Variants in PAPPA observed in about 807,000 individuals in gnomAD.
PAPPA encodes the protein pappalysin-1.
Under a neutral mutation model 164.0 loss-of-function variants are expected in PAPPA, and 60 were observed. The observed-to-expected ratio is 0.37, with a 90% confidence interval of 0.30 to 0.45. PAPPA has a LOEUF of 0.45. Ranked by LOEUF, PAPPA falls within the 20% of genes least tolerant of loss-of-function variation. The probability of loss-of-function intolerance (pLI) is 1.00; values close to 1 mark genes in which losing one functional copy is unlikely to be tolerated. For missense variants in PAPPA, 1,782 were observed against 2,087.3 expected, an observed-to-expected ratio of 0.85 and a Z score of 2.85; for synonymous variants, 875 against 814.1, an observed-to-expected ratio of 1.07 and a Z score of -1.27.
chr9:116,197,349 C>G (rs571391270), intron 2 of PAPPA, among the ~76,000 whole-genome samples: 1 of 152,110 alleles, frequency 6.6e-6, no homozygotes, highest in Non-Finnish European at 1.5e-5. Context: ...GATTGACCAG[C>G]CCCTGTAACT....
At chr9:116,207,045 A>G (rs562053144) in intron 2 of PAPPA, among the ~76,000 whole-genome samples, 7 of 152,244 alleles carry the variant, frequency 4.6e-5, no homozygotes, top group Non-Finnish European at 8.8e-5. Context: ...TATTATTCTA[A>G]GAGGGGAAGA....
At chr9:116,313,855 T>G (rs528944281) in intron 10 of PAPPA, among the ~76,000 whole-genome samples, 1 of 152,124 alleles carries the variant, frequency 6.6e-6, no homozygotes, top group Non-Finnish European at 1.5e-5. Context: ...TCTAGAGTAC[T>G]TCACATGCCA....
At chr9:116,392,161 G>A (rs1394862146) in intron 21 of PAPPA, among the ~76,000 whole-genome samples, 1 of 152,222 alleles carries the variant, frequency 6.6e-6, no homozygotes, top group Non-Finnish European at 1.5e-5. Flanking sequence ...TGCACATTGA[G>A]TTTAGCTCAG....
At chr9:116,252,008 A>G (rs1420088329) in intron 7 of PAPPA, among the ~76,000 whole-genome samples, 1 of 152,234 alleles carries the variant, frequency 6.6e-6, no homozygotes, top group East Asian at 1.9e-4. Context: ...TTGCACCAAG[A>G]AAGTAGAAAA....
chr9:116,345,607 G>A (rs575530450), intron 14 of PAPPA, among the ~76,000 whole-genome samples: 12 of 152,310 alleles, frequency 7.9e-5, no homozygotes, highest in African/African-American at 2.6e-4. Context: ...GCTGTTGCAG[G>A]AAATGACATG....
chr9:116,192,938 C>T (rs1224509123), intron 2 of PAPPA, among the ~76,000 whole-genome samples: 1 of 152,154 alleles, frequency 6.6e-6, no homozygotes, highest in African/African-American at 2.4e-5. Flanking sequence ...GCAAACCAAC[C>T]AAGTTCCTGT....
At chr9:116,243,024 T>G (rs935136074) in intron 7 of PAPPA, among the ~76,000 whole-genome samples, 4 of 152,236 alleles carry the variant, frequency 2.6e-5, no homozygotes, top group Non-Finnish European at 5.9e-5. Context: ...TTAATCTCCT[T>G]CACACCTCTA....
At chr9:116,200,183 G>A (rs2118659106) in intron 2 of PAPPA, among the ~76,000 whole-genome samples, 1 of 152,232 alleles carries the variant, frequency 6.6e-6, no homozygotes, top group Middle Eastern at 3.4e-3. Flanking sequence ...ATGCTTCTAT[G>A]CTTCTGGGCT....
intron 1 of PAPPA, among the ~76,000 whole-genome samples, chr9:116,176,909 C>A (rs1843842637): frequency 6.6e-6 from 1 of 151,728 alleles, no homozygotes; most frequent in African/African-American, 2.4e-5. Context: ...TCCTTTACTT[C>A]TCCAACAGTA....
chr9:116,311,050 T>A (rs1014271826), intron 10 of PAPPA, among the ~76,000 whole-genome samples: 4 of 124,528 alleles, frequency 3.2e-5, no homozygotes, highest in Non-Finnish European at 6.5e-5. Context: ...AGGAACAACA[T>A]GTGGACTTTT....
At chr9:116,169,516 C>T (rs1445473616) in intron 1 of PAPPA, among the ~76,000 whole-genome samples, 1 of 151,394 alleles carries the variant, frequency 6.6e-6, no homozygotes, top group African/African-American at 2.4e-5. Flanking sequence ...GACAGGGCTT[C>T]ATCATGTTGG....
Position 116,188,187 on chromosome 9 carries a change from G to T in PAPPA, c.1449G>T (p.Gln483His). Residue 483 changes from glutamine (Q) to histidine (H), a missense_variant, in exon 2 of 22, where the codon CAG becomes CAT. Gln to His is a conservative substitution (Grantham distance 24). Coordinates refer to ENST00000328252, the MANE Select transcript of PAPPA (RefSeq NM_002581.5). ...CCDPEITNVT[Q>H]TCFDPDSPHR... ...ACCCTGAAATCACCAATGTCACTCA[G>T]ACTTGCTTTGACCCCGACTCTCCAC... is the stretch of plus-strand genomic sequence containing the variant. 1 of 1,612,296 alleles carries T rather than the reference G, an allele frequency of 6.2e-7. No individual in the cohort carries two copies. Among genetic ancestry groups the T allele is most frequent in the East Asian group, 2.2e-5 (1 of 44,780 alleles).
At chr9:116,367,486 T>C (rs1483995742) in intron 18 of PAPPA, among the ~76,000 whole-genome samples, 159 bp from the exon 19 acceptor site, 1 of 152,036 alleles carries the variant, frequency 6.6e-6, no homozygotes, top group Non-Finnish European at 1.5e-5. Flanking sequence ...AGAACAGAGG[T>C]GGCCCTGCCT....
At chr9:116,295,075 G>A (rs1377250126) in intron 9 of PAPPA, among the ~76,000 whole-genome samples, 2 of 152,106 alleles carry the variant, frequency 1.3e-5, no homozygotes, top group Non-Finnish European at 2.9e-5. Context: ...AGGTAGTTTT[G>A]TGTATGTTTG....
rs568909195 is a variant in PAPPA at position 116,259,505 on chromosome 9, A to G, written c.2733-6352A>G. On this transcript the variant is annotated intron_variant, in intron 7 of 21. Coordinates refer to ENST00000328252, the MANE Select transcript of PAPPA (RefSeq NM_002581.5). ...GCAAAAAGATGAACAAACAATATGC[A>G]TGACTAGAAACCTACTTGATCCACA... Among the ~76,000 whole-genome samples, 3 of 152,340 alleles carry G rather than the reference A, an allele frequency of 2.0e-5. No individual in the cohort carries two copies. In the South Asian group the frequency reaches 6.2e-4, roughly 32 times the overall value.
intron 7 of PAPPA, among the ~76,000 whole-genome samples, chr9:116,240,867 T>A (rs1441084847): frequency 6.6e-6 from 1 of 152,222 alleles, no homozygotes; most frequent in Admixed American, 6.5e-5. Flanking sequence ...GGATCCTCAG[T>A]TGAGAGCTAG....
chr9:116,328,155 G>T (rs1392720478), intron 10 of PAPPA, among the ~76,000 whole-genome samples: 4 of 152,200 alleles, frequency 2.6e-5, no homozygotes, highest in African/African-American at 7.2e-5. Context: ...AGCCTTCAGA[G>T]ATGTGCTTCA....
At chr9:116,362,207 C>A (rs764620155) in intron 17 of PAPPA, among the ~76,000 whole-genome samples, 9 of 152,068 alleles carry the variant, frequency 5.9e-5, no homozygotes, top group Non-Finnish European at 1.2e-4. Context: ...ACCCATGCTG[C>A]TACTCTCTGT....
chr9:116,288,805 A>G (rs1236199646), intron 9 of PAPPA: 1 of 151,998 alleles, frequency 6.6e-6, no homozygotes, highest in Non-Finnish European at 1.5e-5. Flanking sequence ...ACCATATAGC[A>G]GGAGGATGGT....
Sources: allele counts gnomAD v4.1 joint callset (sites outside exome capture counted in the v4.1 genomes callset), GRCh38; gene constraint gnomAD v4.1.1; transcripts MANE v1.5; gene names NCBI Gene and HGNC (gene_info 2026-07-23, HGNC 2026-07-21).